Variants in TRPM2 observed in about 807,000 individuals in gnomAD.
The protein encoded by TRPM2 is estrogen-responsive element-associated gene 1 protein.
TRPM2 carries 161 observed loss-of-function variants against 174.0 expected under a neutral mutation model. The ratio of observed to expected loss-of-function variants is 0.93; its 90% CI spans 0.81 to 1.05. The LOEUF (loss-of-function observed/expected upper bound fraction) is 1.05. Among genes scored for constraint, TRPM2 ranks in the 50% least tolerant of loss-of-function variants. The pLI, the probability that TRPM2 is intolerant of heterozygous loss-of-function variation, is 0.00. For missense variants in TRPM2, 2,057 were observed against 2,038.0 expected (o/e 1.01, Z -0.18); for synonymous variants, 954 against 861.3 (o/e 1.11, Z -1.88).
intron 25 of TRPM2, 142 bp downstream of exon 25, chr21:44,425,969 G>A (rs1202238118): frequency 1.7e-6 from 2 of 1,200,610 alleles, no homozygotes; most frequent in African/African-American, 3.1e-5. Flanking sequence ...GGCAGCCCCT[G>A]TTTGACATTT....
In TRPM2 at chr21:44,406,148, T is replaced by C. The variant is rs564705406; in HGVS notation, c.2790+111T>C. Reference sequence around the variant, plus strand: ...ACTGGGGCTTAAACACACCTGTAGGTTCCCCGTCCCTGCTTTGCCCCTTGG... The same window carrying C: ...ACTGGGGCTTAAACACACCTGTAGGCTCCCCGTCCCTGCTTTGCCCCTTGG... On this transcript the variant is annotated intron_variant, in intron 18 of 31. Transcript: ENST00000397928. The C allele has an allele frequency of 2.9e-6, 4 of 1,380,490 alleles. No homozygotes were observed. In the Admixed American group the frequency reaches 6.4e-5, roughly 22 times the overall value. The allele number at this position is 1,380,490 out of a possible 1,614,324, so 85.5% of individuals were successfully genotyped here. A position where few individuals can be genotyped will look rare whatever the true frequency, so the allele number is the denominator to read the frequency against.
At chr21:44,385,964 G>T (rs1216280207) in intron 9 of TRPM2, among the ~76,000 whole-genome samples, 18 of 152,176 alleles carry the variant, frequency 1.2e-4, no homozygotes, top group Admixed American at 1.2e-3. Flanking sequence ...TTCAAGATGA[G>T]ATTTGGGTGG....
At chr21:44,375,211 C>T (rs547023308) in intron 5 of TRPM2, among the ~76,000 whole-genome samples, 46 of 152,338 alleles carry the variant, frequency 3.0e-4, no homozygotes, top group African/African-American at 8.9e-4. Context: ...CGCCCGTCTC[C>T]GCAAGGCCTT....
At position 44,418,445 on chromosome 21, in the gene TRPM2, G is replaced by C; in HGVS notation, c.3351G>C (p.Glu1117Asp). 1 of 1,614,094 alleles carries C rather than the reference G, an allele frequency of 6.2e-7. No homozygotes were observed. Among genetic ancestry groups the C allele is most frequent in the Non-Finnish European group, 8.5e-7 (1 of 1,180,004 alleles). The change falls in exon 22 of 32, where the codon GAG becomes GAC. Residue 1117 changes from glutamate (E) to aspartate (D), a missense_variant. Physicochemically the swap from Glu to Asp is conservative, Grantham distance 45. Coordinates refer to ENST00000397928, the MANE Select transcript of TRPM2 (RefSeq NM_003307.4). ...CAGAGAACAAGCTGGAGAAGAACGA[G>C]GAGGCGGCCCTGCTATCCTGGGAGA... ...KQLKNKLEKN[E>D]EAALLSWEIY...
At chr21:44,423,837 TGAG>T (rs1398250415) in intron 23 of TRPM2, 105 bp downstream of exon 23, 4 of 959,224 alleles carry the variant, frequency 4.2e-6, no homozygotes, top group East Asian at 2.6e-5. Flanking sequence ...GGAGTGATGG[TGAG>T]GAGGAGGCCG....
intron 5 of TRPM2, among the ~76,000 whole-genome samples, chr21:44,373,433 C>T (rs536095957): frequency 2.0e-4 from 31 of 152,294 alleles, no homozygotes; most frequent in African/African-American, 4.3e-4. Context: ...GTGATCCGCC[C>T]GCCTCGGCCC....
At chr21:44,377,606 C>G (rs190914290) in intron 6 of TRPM2, 106 bp from the exon 7 acceptor site, 8 of 1,471,536 alleles carry the variant, frequency 5.4e-6, no homozygotes, top group Middle Eastern at 2.3e-4. Context: ...TCTTGCCCCC[C>G]ACCTCTGTCC....
intron 25 of TRPM2, 151 bp downstream of exon 25, chr21:44,425,978 T>G (rs1355041506): frequency 8.6e-7 from 1 of 1,164,298 alleles, no homozygotes; most frequent in Non-Finnish European, 1.1e-6. Flanking sequence ...TGTTTGACAT[T>G]TGAGGAAACC....
chr21:44,359,431 G>A (rs71322560), intron 2 of TRPM2, among the ~76,000 whole-genome samples: 4 of 151,922 alleles, frequency 2.6e-5, no homozygotes, highest in Admixed American at 2.6e-4. Context: ...TGCACATCCG[G>A]GAGGAATTAT....
chr21:44,414,287 G>A (rs926322262), intron 20 of TRPM2, among the ~76,000 whole-genome samples: 3 of 152,236 alleles, frequency 2.0e-5, no homozygotes, highest in Non-Finnish European at 4.4e-5. Flanking sequence ...TCTTGAGCTG[G>A]CGTGGGTCTG....
chr21:44,372,064 G>T (rs533889986), intron 5 of TRPM2, among the ~76,000 whole-genome samples: 1 of 152,326 alleles, frequency 6.6e-6, no homozygotes, highest in Non-Finnish European at 1.5e-5. Flanking sequence ...GGAGGTTGCA[G>T]GGAACCAAGA....
intron 16 of TRPM2, among the ~76,000 whole-genome samples, chr21:44,403,824 CACACATGCAT>C (rs957694885): frequency 2.6e-5 from 4 of 152,014 alleles, no homozygotes; most frequent in South Asian, 2.1e-4. Context: ...TACACATGCA[CACACATGCAT>C]ACACACATTA....
intron 22 of TRPM2, chr21:44,423,396 C>A (rs980500556): frequency 6.6e-5 from 33 of 500,004 alleles, no homozygotes; most frequent in Non-Finnish European, 1.1e-4. Context: ...CTCCTGGGAC[C>A]GACAGGCTGC....
At position 44,437,062 on chromosome 21, in the gene TRPM2, G is replaced by T; in HGVS notation, c.4062G>T (p.Arg1354=). The change falls in exon 29 of 32, where the codon CGG becomes CGT. Residue 1354 remains arginine, a splice_region_variant and synonymous_variant. Transcript: ENST00000397928. Reference sequence around the variant, plus strand: ...GCAGCCATGGCCGCTCTCTCCGCAGGTGGAGGCGGAACGAGGATGGAGCCA... The same window carrying T: ...GCAGCCATGGCCGCTCTCTCCGCAGTTGGAGGCGGAACGAGGATGGAGCCA... ...PNHTLYPMVT[R]WRRNEDGAIC... 1 of 1,550,284 alleles carries T rather than the reference G, an allele frequency of 6.5e-7. No individual in the cohort carries two copies. The highest frequency in any genetic ancestry group is 8.7e-7 in the Non-Finnish European group (1 of 1,146,724).
chr21:44,425,072 A>C (rs1439784992), intron 24 of TRPM2, 133 bp downstream of exon 24: 2 of 801,616 alleles, frequency 2.5e-6, no homozygotes, highest in African/African-American at 3.5e-5. Context: ...AGCCTGTTCC[A>C]GGCAGGGCCA....
chr21:44,431,550 A>G (rs2051022381), intron 27 of TRPM2, among the ~76,000 whole-genome samples: 1 of 151,922 alleles, frequency 6.6e-6, no homozygotes, highest in African/African-American at 2.4e-5. Flanking sequence ...GCTCACTGCA[A>G]CCTCCGCCTA....
chr21:44,395,058 C>T (rs139667363), intron 11 of TRPM2, among the ~76,000 whole-genome samples: 1 of 152,268 alleles, frequency 6.6e-6, no homozygotes, highest in African/African-American at 2.4e-5. Flanking sequence ...CAGTCACTGA[C>T]CTATTAACAT....
chr21:44,401,768 C>T lies in TRPM2; in HGVS notation c.2409C>T (p.Ile803=). Residue 803 remains isoleucine, a synonymous_variant, in exon 16 of 32, where the codon ATC becomes ATT. Transcript: ENST00000397928. ...CCGTGGTGGTCTTCCACCTGAACAT[C>T]CTCTCCTACTTCGCCTTCCTCTGCC... ...TAPVVVFHLN[I]LSYFAFLCLF... 1 of 1,613,750 alleles carries T rather than the reference C, an allele frequency of 6.2e-7. No individual in the cohort carries two copies. The highest frequency in any genetic ancestry group is 8.5e-7 in the Non-Finnish European group (1 of 1,180,020).
intron 2 of TRPM2, among the ~76,000 whole-genome samples, chr21:44,358,512 G>A (rs902359859): frequency 2.6e-5 from 4 of 152,208 alleles, no homozygotes; most frequent in Non-Finnish European, 2.9e-5. Context: ...GCTCTCCGGC[G>A]ATGTAATTTC....
Sources: gnomAD v4.1 joint callset for allele counts (sites outside exome capture counted in the v4.1 genomes callset) on GRCh38, gnomAD v4.1.1 for gene constraint, MANE v1.5 for transcripts, NCBI Gene and HGNC (gene_info 2026-07-23, HGNC 2026-07-21) for gene names.